PDE4D: variants seen among roughly 807,000 people sequenced by gnomAD.
The protein encoded by PDE4D is phosphodiesterase 4D, also known as 3',5'-cyclic-AMP phosphodiesterase 4D.
Under a neutral mutation model 87.4 loss-of-function variants are expected in PDE4D, and 24 were observed. That is an observed-to-expected ratio of 0.27 (90% confidence interval 0.20 to 0.39). The LOEUF is 0.39. Among genes scored for constraint, PDE4D ranks in the 10% least tolerant of loss-of-function variants. The probability of loss-of-function intolerance (pLI) is 1.00; values close to 1 mark genes in which losing one functional copy is unlikely to be tolerated. For missense variants in PDE4D, 714 were observed against 1,041.0 expected, an observed-to-expected ratio of 0.69 and a Z score of 4.32; for synonymous variants, 384 against 383.2, an observed-to-expected ratio of 1.00 and a Z score of -0.02.
intron 3 of PDE4D, among the ~76,000 whole-genome samples, chr5:59,959,325 A>C (rs1561911360): frequency 6.6e-6 from 1 of 152,196 alleles, no homozygotes; most frequent in African/African-American, 2.4e-5. Context: ...ATTTCTATGA[A>C]GTTATCAATG....
intron 5 of PDE4D, among the ~76,000 whole-genome samples, chr5:59,101,817 G>A (rs1770780135): frequency 6.6e-6 from 1 of 151,996 alleles, no homozygotes; most frequent in Admixed American, 6.6e-5. Context: ...AGGAGAGGAT[G>A]CATACAATAA....
At chr5:60,364,668 G>A (rs1760368750) in intron 1 of PDE4D, among the ~76,000 whole-genome samples, 1 of 152,098 alleles carries the variant, frequency 6.6e-6, no homozygotes, top group Admixed American at 6.5e-5. Flanking sequence ...TGAAATGCCA[G>A]CCCAATTTAA....
intron 1 of PDE4D, among the ~76,000 whole-genome samples, chr5:59,617,113 A>G (rs1371204176): frequency 6.6e-6 from 1 of 151,574 alleles, no homozygotes; most frequent in African/African-American, 2.4e-5. Flanking sequence ...ATCCTCCAAC[A>G]TGTCTAAAAG....
intron 1 of PDE4D, among the ~76,000 whole-genome samples, chr5:59,469,712 T>C (rs1802147212): frequency 6.6e-6 from 1 of 152,170 alleles, no homozygotes; most frequent in Admixed American, 6.5e-5. Context: ...AAGCAAGAGC[T>C]AACAAAAGAA....
At chr5:59,034,285 G>A (rs1257965014) in intron 6 of PDE4D, among the ~76,000 whole-genome samples, 3 of 152,056 alleles carry the variant, frequency 2.0e-5, no homozygotes, top group Non-Finnish European at 4.4e-5. Context: ...TTTAAAGTTT[G>A]TATTTAGGCA....
chr5:60,199,589 A>G (rs962798616), intron 1 of PDE4D, among the ~76,000 whole-genome samples: 4 of 151,712 alleles, frequency 2.6e-5, no homozygotes, highest in Non-Finnish European at 5.9e-5. Context: ...ATTTTTCAGA[A>G]GGACAATGAT....
At chr5:59,676,307 T>A (rs1748074003) in intron 1 of PDE4D, among the ~76,000 whole-genome samples, 1 of 152,254 alleles carries the variant, frequency 6.6e-6, no homozygotes, top group Non-Finnish European at 1.5e-5. Flanking sequence ...ACATTTAGCA[T>A]TGACCTTGGT....
At chr5:59,949,167 C>T (rs1758014431) in intron 3 of PDE4D, among the ~76,000 whole-genome samples, 1 of 151,846 alleles carries the variant, frequency 6.6e-6, no homozygotes, top group East Asian at 1.9e-4. Context: ...CGCGGTGGCT[C>T]ATGCCTGTAA....
chr5:59,900,444 G>A (rs1456481810), intron 3 of PDE4D, among the ~76,000 whole-genome samples: 1 of 152,038 alleles, frequency 6.6e-6, no homozygotes, highest in East Asian at 1.9e-4. Flanking sequence ...ATTTCTTCCT[G>A]GGAGAAAAAC....
At chr5:59,448,479 T>C (rs932326795) in intron 1 of PDE4D, among the ~76,000 whole-genome samples, 1 of 152,190 alleles carries the variant, frequency 6.6e-6, no homozygotes, top group African/African-American at 2.4e-5. Flanking sequence ...TCAAGTATCA[T>C]TATAACAATA....
chr5:60,068,116 AT>A (rs563476804), intron 2 of PDE4D, among the ~76,000 whole-genome samples: 1 of 152,186 alleles, frequency 6.6e-6, no homozygotes, highest in African/African-American at 2.4e-5. Context: ...ATGTAATTGC[AT>A]TTTTAAATGT....
intron 1 of PDE4D, among the ~76,000 whole-genome samples, chr5:60,425,740 A>G (rs1431190881): frequency 1.3e-5 from 2 of 152,230 alleles, no homozygotes; most frequent in African/African-American, 2.4e-5. Flanking sequence ...ATCAGAGTGA[A>G]CAGGCAACCT....
chr5:59,263,399 G>T (rs1489412317), intron 1 of PDE4D, among the ~76,000 whole-genome samples: 1 of 151,928 alleles, frequency 6.6e-6, no homozygotes, highest in Non-Finnish European at 1.5e-5. Context: ...ACAGAGAAGA[G>T]AGTTTTAATT....
chr5:58,998,708 C>A (rs1200175958), intron 6 of PDE4D, among the ~76,000 whole-genome samples: 1 of 152,080 alleles, frequency 6.6e-6, no homozygotes, highest in Non-Finnish European at 1.5e-5. Context: ...GAAAATGAAT[C>A]TTTTAAAATG....
chr5:60,021,184 T>C (rs1766027734), intron 2 of PDE4D: 1 of 152,148 alleles, frequency 6.6e-6, no homozygotes, highest in Non-Finnish European at 1.5e-5. Context: ...AAAACCTCAT[T>C]GGTCCCTAGA....
chr5:59,549,634 T>A (rs1330082651), intron 1 of PDE4D, among the ~76,000 whole-genome samples: 2 of 152,122 alleles, frequency 1.3e-5, no homozygotes, highest in Non-Finnish European at 2.9e-5. Flanking sequence ...TATATTTGTG[T>A]CTCTAAGAAT....
In PDE4D at chr5:59,743,102, A is replaced by C. The variant is rs187236828; in HGVS notation, c.455+150066T>G. ...ATTATAAGTTAGTACATGATCAGTG[A>C]TTATTCTATAAAGTGGGGTTTGGGA... is the stretch of plus-strand genomic sequence containing the variant. On this transcript the variant is annotated intron_variant, in intron 1 of 14. Transcript: ENST00000340635. 3.6e-4 allele frequency among the ~76,000 whole-genome samples: 55 copies of C among 152,318 alleles called. 1 individual carries two copies. Among genetic ancestry groups the C allele is most frequent in the Admixed American group, 3.3e-3 (51 of 15,298 alleles).
intron 2 of PDE4D, among the ~76,000 whole-genome samples, chr5:60,118,135 T>C (rs997128916): frequency 6.6e-6 from 1 of 152,180 alleles, no homozygotes; most frequent in Admixed American, 6.6e-5. Context: ...GACTGTCTTT[T>C]CTCTATTTTC....
intron 5 of PDE4D, among the ~76,000 whole-genome samples, chr5:59,128,575 T>C (rs531785208): frequency 6.6e-6 from 1 of 152,314 alleles, no homozygotes; most frequent in East Asian, 1.9e-4. Context: ...GGGAAATGTC[T>C]ACAGTTCAAA....
Sources: gnomAD v4.1 joint callset for allele counts (sites outside exome capture counted in the v4.1 genomes callset) on GRCh38, gnomAD v4.1.1 for gene constraint, MANE v1.5 for transcripts, NCBI Gene and HGNC (gene_info 2026-07-23, HGNC 2026-07-21) for gene names.